The following FRAS1 variants were observed in gnomAD, a reference collection of about 807,000 sequenced individuals.
The protein encoded by FRAS1 is extracellular matrix organizing protein FRAS1.
In FRAS1, 290 loss-of-function variants were observed where a neutral mutation model predicts 435.2. The ratio of observed to expected loss-of-function variants is 0.67; its 90% CI spans 0.61 to 0.73. The LOEUF is 0.73. Ranked by LOEUF, FRAS1 falls within the 30% of genes least tolerant of loss-of-function variation. The pLI is 0.00. For synonymous variants in FRAS1, 1,800 were observed against 1,851.0 expected (o/e 0.97, Z 0.71); for missense variants, 4,860 against 5,001.5 (o/e 0.97, Z 0.85).
At chr4:78,377,639 T>A (rs1341798652) in intron 26 of FRAS1, among the ~76,000 whole-genome samples, 1 of 152,220 alleles carries the variant, frequency 6.6e-6, no homozygotes, top group Non-Finnish European at 1.5e-5. Context: ...GAATTCTAAG[T>A]ATGAGCCCCT....
At chr4:78,531,286 C>T (rs1228111816) in intron 70 of FRAS1, among the ~76,000 whole-genome samples, 1 of 152,182 alleles carries the variant, frequency 6.6e-6, no homozygotes, top group African/African-American at 2.4e-5. Flanking sequence ...CATCTGCAAA[C>T]AGAGGCAATT....
At chr4:78,195,561 C>A (rs1286179573) in intron 2 of FRAS1, among the ~76,000 whole-genome samples, 1 of 152,210 alleles carries the variant, frequency 6.6e-6, no homozygotes, top group Non-Finnish European at 1.5e-5. Flanking sequence ...GGGCGTAGGA[C>A]CCTTCGAGCC....
chr4:78,526,468 C>A, intron 69 of FRAS1, 73 bp from the exon 70 acceptor site: 1 of 916,258 alleles, frequency 1.1e-6, no homozygotes, highest in Non-Finnish European at 1.7e-6. Flanking sequence ...TTAGTGAAGG[C>A]CATGTCTTTC....
chr4:78,507,434 C>G lies in FRAS1; in HGVS notation c.9330C>G (p.Ile3110Met), dbSNP rs376083444. The G allele has an allele frequency of 2.5e-6, 4 of 1,609,932 alleles. No homozygotes were observed. Among genetic ancestry groups the G allele is most frequent in the South Asian group, 1.1e-5 (1 of 89,936 alleles). ...VLKFSPGVDH[I>M]FFKVEILSNE... ...TCCTTGGCGAAGGTGTGGATCATAT[C>G]TTTTTTAAAGTTGAGATCCTGTCCA... The change falls in exon 62 of 74, where the codon ATC becomes ATG. Residue 3110 changes from isoleucine to methionine, a missense_variant. Coordinates refer to ENST00000512123, the MANE Select transcript of FRAS1 (RefSeq NM_025074.7).
At chr4:78,323,318 G>GAATTGTAGT (rs1729582987) in intron 18 of FRAS1, among the ~76,000 whole-genome samples, 1 of 152,204 alleles carries the variant, frequency 6.6e-6, no homozygotes, top group Non-Finnish European at 1.5e-5. Context: ...TTAGCAAAAA[G>GAATTGTAGT]AATTGTAGTA....
chr4:78,275,628 T>C (rs1032490503), intron 9 of FRAS1, among the ~76,000 whole-genome samples: 1 of 152,230 alleles, frequency 6.6e-6, no homozygotes, highest in Admixed American at 6.5e-5. Context: ...TCTTTAAGAA[T>C]GTTGAAAATT....
intron 52 of FRAS1, 125 bp downstream of exon 52, chr4:78,472,455 T>C: frequency 1.3e-6 from 1 of 741,624 alleles, no homozygotes; most frequent in African/African-American, 1.8e-5. Flanking sequence ...TGCAGAGATC[T>C]TCTAGTGCTT....
intron 18 of FRAS1, among the ~76,000 whole-genome samples, chr4:78,332,390 ACTATCC>A (rs1479499732): frequency 6.6e-6 from 1 of 152,242 alleles, no homozygotes; most frequent in East Asian, 1.9e-4. Context: ...AAGTCATGCA[ACTATCC>A]CCTTTATCAT....
At chr4:78,534,906 T>C (rs7675866) in intron 71 of FRAS1, among the ~76,000 whole-genome samples, 31,113 of 152,096 alleles carry the variant, frequency 0.2, 3,533 homozygotes, top group African/African-American at 0.29. Context: ...TCTAGCACAT[T>C]GTCTAACTCT....
chr4:78,101,721 G>A (rs1195535688), intron 2 of FRAS1, among the ~76,000 whole-genome samples: 6 of 152,110 alleles, frequency 3.9e-5, no homozygotes, highest in African/African-American at 1.4e-4. Context: ...AGCCTGTAAT[G>A]TGCTTTCATA....
At chr4:78,332,965 G>C (rs917997968) in intron 18 of FRAS1, among the ~76,000 whole-genome samples, 1 of 152,192 alleles carries the variant, frequency 6.6e-6, no homozygotes, top group Non-Finnish European at 1.5e-5. Flanking sequence ...CTGTTTTCTG[G>C]CTTCCTGTTT....
chr4:78,479,468 T>C lies in FRAS1; in HGVS notation c.8193T>C (p.Phe2731=), dbSNP rs770346666. Residue 2731 remains phenylalanine (F), a synonymous_variant, in exon 56 of 74, where the codon TTT becomes TTC. Coordinates refer to ENST00000512123, the MANE Select transcript of FRAS1 (RefSeq NM_025074.7). The stretch of plus-strand genomic sequence containing the variant: ...ATGCTCTAGAATCAGGCTCTGATTT[T>C]AAATCTAGAGGGATGTCTGCCGCGA... The part of the protein sequence containing the change: ...SLYALESGSD[F]KSRGMSAASR... 6 of 1,608,912 alleles carry C rather than the reference T, an allele frequency of 3.7e-6. No homozygotes were observed. The highest frequency in any genetic ancestry group is 5.1e-6 in the Non-Finnish European group (6 of 1,176,378).
chr4:78,189,580 A>G (rs1201494956), intron 2 of FRAS1, among the ~76,000 whole-genome samples: 1 of 152,176 alleles, frequency 6.6e-6, no homozygotes, highest in Non-Finnish European at 1.5e-5. Context: ...ATGTGTCCCA[A>G]ACTTTTAGGG....
intron 10 of FRAS1, 123 bp from the exon 11 acceptor site, chr4:78,281,275 C>G (rs1727317441): frequency 1.6e-6 from 1 of 642,452 alleles, no homozygotes; most frequent in Non-Finnish European, 2.7e-6. Context: ...CATCTCTATT[C>G]ATAACCAGTG....
intron 30 of FRAS1, among the ~76,000 whole-genome samples, chr4:78,401,506 A>C (rs571784592): frequency 2.4e-4 from 36 of 152,222 alleles, no homozygotes; most frequent in Non-Finnish European, 3.7e-4. Context: ...GCATGAGCTT[A>C]ATAGCATAGC....
chr4:78,198,485 C>A (rs1312187744), intron 2 of FRAS1, among the ~76,000 whole-genome samples: 12 of 152,118 alleles, frequency 7.9e-5, no homozygotes, highest in Admixed American at 7.9e-4. Context: ...TTGAGAGGAA[C>A]CTAAACGAAA....
intron 62 of FRAS1, among the ~76,000 whole-genome samples, chr4:78,508,227 G>A (rs993691325): frequency 6.6e-6 from 1 of 152,178 alleles, no homozygotes; most frequent in African/African-American, 2.4e-5. Context: ...TAATTGTGAA[G>A]CAATCAGAAG....
chr4:78,114,891 C>A (rs1482874421), intron 2 of FRAS1, among the ~76,000 whole-genome samples: 1 of 152,126 alleles, frequency 6.6e-6, no homozygotes, highest in East Asian at 1.9e-4. Flanking sequence ...TGAGAGAGGG[C>A]ATCCCTGTCT....
chr4:78,403,018 C>T (rs1732957634), intron 30 of FRAS1, among the ~76,000 whole-genome samples: 1 of 152,120 alleles, frequency 6.6e-6, no homozygotes, highest in African/African-American at 2.4e-5. Flanking sequence ...TGGTGTCTAC[C>T]AGATTTTTCC....
Sources: gnomAD v4.1 joint callset for allele counts (sites outside exome capture counted in the v4.1 genomes callset) on GRCh38, gnomAD v4.1.1 for gene constraint, MANE v1.5 for transcripts, NCBI Gene and HGNC (gene_info 2026-07-23, HGNC 2026-07-21) for gene names.